The following ALDH1L1 variants were observed in gnomAD, a reference collection of about 807,000 sequenced individuals.
ALDH1L1 encodes the protein cytosolic 10-formyltetrahydrofolate dehydrogenase.
ALDH1L1 carries 68 observed loss-of-function variants against 101.1 expected under a neutral mutation model. The observed-to-expected ratio is 0.67, with a 90% CI of 0.55 to 0.82. ALDH1L1 has a LOEUF of 0.82. Among genes scored for constraint, ALDH1L1 ranks in the 40% least tolerant of loss-of-function variants. The pLI, the probability that ALDH1L1 is intolerant of heterozygous loss-of-function variation, is 0.00. For synonymous variants in ALDH1L1, 486 were observed against 470.8 expected (o/e 1.03, Z -0.42); for missense variants, 1,087 against 1,172.7 (o/e 0.93, Z 1.07).
intron 1 of ALDH1L1, among the ~76,000 whole-genome samples, chr3:126,187,000 A>G (rs2081522850): frequency 6.6e-6 from 1 of 152,192 alleles, no homozygotes; most frequent in African/African-American, 2.4e-5. Context: ...AGTTGGAACC[A>G]TCCAGGAACA....
intron 9 of ALDH1L1, among the ~76,000 whole-genome samples, chr3:126,139,198 C>G (rs1434601237): frequency 6.6e-6 from 1 of 152,252 alleles, no homozygotes; most frequent in Non-Finnish European, 1.5e-5. Context: ...CCCTCACAGG[C>G]TGAAGTAGCT....
chr3:126,128,568 G>A (rs2080234044), intron 14 of ALDH1L1: 2 of 152,256 alleles, frequency 1.3e-5, no homozygotes, highest in African/African-American at 4.8e-5. Context: ...CAGAGGCCCT[G>A]GCGGCCTCCC....
At chr3:126,130,196 T>C (rs1301085543) in intron 14 of ALDH1L1, 27 bp downstream of exon 14, 2 of 1,589,672 alleles carry the variant, frequency 1.3e-6, no homozygotes, top group South Asian at 2.3e-5. Flanking sequence ...ACCGCGAGGC[T>C]GCACCTCGCC....
chr3:126,178,939 GA>G lies in ALDH1L1; in HGVS notation c.-24+1536del, dbSNP rs72451047. ...TTTTATATTGTACATGATTACTTCT[GA>G]AAAAAAAAAATAAAAGAGTATGTCG... On this transcript the variant is annotated intron_variant, in intron 1 of 22. Transcript: ENST00000393434. Among the ~76,000 whole-genome samples the G allele has an allele frequency of 4.7e-3, 686 of 147,372 alleles. 7 individuals carry two copies. Among genetic ancestry groups the G allele is most frequent in the African/African-American group, 0.015 (624 of 40,518 alleles).
intron 22 of ALDH1L1, chr3:126,105,304 C>T (rs551432200): frequency 6.2e-6 from 2 of 322,934 alleles, no homozygotes; most frequent in Admixed American, 4.0e-5. Context: ...TCCTGCTCCC[C>T]CTTGGCCCAC....
intron 11 of ALDH1L1, 109 bp downstream of exon 11, chr3:126,136,655 G>A (rs2080451645): frequency 6.7e-7 from 1 of 1,483,440 alleles, no homozygotes; most frequent in Non-Finnish European, 9.0e-7. Flanking sequence ...AAAGGCACAT[G>A]TCCAAGCAGA....
intron 2 of ALDH1L1, 23 bp downstream of exon 2, chr3:126,160,830 C>G (rs762706721): frequency 8.7e-6 from 14 of 1,611,892 alleles, no homozygotes; most frequent in Non-Finnish European, 1.2e-5. Flanking sequence ...CCATCAGCTT[C>G]CCTGCTCCAT....
At chr3:126,157,593 C>T in intron 3 of ALDH1L1, 85 bp from the exon 4 acceptor site, 10 of 1,452,274 alleles carry the variant, frequency 6.9e-6, no homozygotes, top group Non-Finnish European at 9.4e-6. Flanking sequence ...ACCTGCCACC[C>T]TCCAGGAGGC....
At chr3:126,160,663 A>G (rs369616732) in intron 2 of ALDH1L1, among the ~76,000 whole-genome samples, 190 bp downstream of exon 2, 7 of 152,216 alleles carry the variant, frequency 4.6e-5, no homozygotes, top group African/African-American at 1.7e-4. Flanking sequence ...GGGATCTCCA[A>G]TTTATTCCAG....
intron 17 of ALDH1L1, chr3:126,115,481 G>T (rs1209815805): frequency 9.5e-5 from 14 of 147,498 alleles, no homozygotes; most frequent in Non-Finnish European, 1.6e-4. Flanking sequence ...GCTCTGCTTT[G>T]CTCTTCTTTT....
At chr3:126,112,995 G>C in intron 18 of ALDH1L1, 115 bp from the exon 19 acceptor site, 1 of 847,754 alleles carries the variant, frequency 1.2e-6, no homozygotes, top group African/African-American at 1.7e-5. Context: ...CATGTGTCCT[G>C]ATCTCCTCCT....
At chr3:126,107,077 A>G (rs1157051927) in intron 21 of ALDH1L1, 64 bp downstream of exon 21, 1 of 1,458,916 alleles carries the variant, frequency 6.9e-7, no homozygotes, top group Admixed American at 1.7e-5. Flanking sequence ...CAAAGCCCAC[A>G]TGAAGACCCC....
chr3:126,116,261 T>C (rs1465293927), intron 17 of ALDH1L1, among the ~76,000 whole-genome samples: 7 of 151,936 alleles, frequency 4.6e-5, no homozygotes, highest in African/African-American at 1.7e-4. Flanking sequence ...TATTTATTTA[T>C]TTGAGCCAGG....
intron 9 of ALDH1L1, among the ~76,000 whole-genome samples, chr3:126,144,039 T>C (rs1206674343): frequency 7.2e-5 from 11 of 152,022 alleles, no homozygotes. Context: ...AAAAATAACA[T>C]GCAAAAAAAC....
At chr3:126,195,463 C>T (rs1032127888) in intron 1 of ALDH1L1, among the ~76,000 whole-genome samples, 3 of 152,112 alleles carry the variant, frequency 2.0e-5, no homozygotes, top group African/African-American at 2.4e-5. Context: ...AGTTTCTCAA[C>T]AGGAGCTGGA....
chr3:126,124,247 G>T, intron 16 of ALDH1L1, 117 bp downstream of exon 16: 1 of 902,716 alleles, frequency 1.1e-6, no homozygotes, highest in East Asian at 2.8e-5. Context: ...GCTGGCCCCC[G>T]CCTGGGCTCT....
At chr3:126,104,694 T>G (rs1037718049) in intron 22 of ALDH1L1, 7 of 152,308 alleles carry the variant, frequency 4.6e-5, no homozygotes, top group African/African-American at 1.7e-4. Flanking sequence ...TGCGTGCATG[T>G]GAGTCCAGCC....
intron 1 of ALDH1L1, among the ~76,000 whole-genome samples, chr3:126,162,982 T>C (rs970250180): frequency 6.6e-6 from 1 of 152,236 alleles, no homozygotes; most frequent in Admixed American, 6.5e-5. Context: ...CATCTATCTT[T>C]GAAACTTTAG....
intron 10 of ALDH1L1, 78 bp downstream of exon 10, chr3:126,137,735 C>G: frequency 6.5e-7 from 1 of 1,530,896 alleles, no homozygotes; most frequent in Non-Finnish European, 8.8e-7. Flanking sequence ...CCAGGTTTCC[C>G]CTCTTGTCTT....
Sources: allele counts gnomAD v4.1 joint callset (sites outside exome capture counted in the v4.1 genomes callset), GRCh38; gene constraint gnomAD v4.1.1; transcripts MANE v1.5; gene names NCBI Gene and HGNC (gene_info 2026-07-23, HGNC 2026-07-21).